Variants in COL4A5 observed in about 807,000 individuals in gnomAD.
COL4A5 encodes the protein collagen type IV alpha 5 chain, also known as collagen alpha-5(IV) chain.
In COL4A5, 26 loss-of-function variants were observed where a neutral mutation model predicts 130.2. The ratio of observed to expected loss-of-function variants is 0.20; its 90% CI spans 0.15 to 0.28. COL4A5 has a LOEUF of 0.28. Among genes scored for constraint, COL4A5 ranks in the 10% least tolerant of loss-of-function variants. COL4A5 has a pLI of 1.00. For synonymous variants in COL4A5, 496 were observed against 439.6 expected (o/e 1.13, Z -1.60); for missense variants, 1,131 against 1,344.3 (o/e 0.84, Z 2.48).
At chrX:108,478,303 G>A (rs1316651128) in intron 1 of COL4A5, among the ~76,000 whole-genome samples, 1 of 111,083 alleles carries the variant, frequency 9.0e-6, no homozygotes, top group Non-Finnish European at 1.9e-5. Context: ...TGTGTCTCCT[G>A]GTGGCAGCTT....
chrX:108,441,397 G>GT (rs1464833902), intron 1 of COL4A5, among the ~76,000 whole-genome samples: 1 of 112,146 alleles, frequency 8.9e-6, no homozygotes, highest in East Asian at 2.8e-4. Flanking sequence ...TAAGTTAGCT[G>GT]TCTAGCTTCC....
chrX:108,455,145 T>C (rs2064571889), intron 1 of COL4A5, among the ~76,000 whole-genome samples: 1 of 111,837 alleles, frequency 8.9e-6, no homozygotes, highest in Non-Finnish European at 1.9e-5. Flanking sequence ...TTCTGTACAG[T>C]AGAAAGTTTC....
chrX:108,485,281 T>C (rs2064933397), intron 1 of COL4A5, among the ~76,000 whole-genome samples: 1 of 111,847 alleles, frequency 8.9e-6, no homozygotes, highest in African/African-American at 3.2e-5. Context: ...AGAGCCCTCT[T>C]GTTGTTGTAC....
chrX:108,457,082 T>A (rs1202540663), intron 1 of COL4A5, among the ~76,000 whole-genome samples: 1 of 111,686 alleles, frequency 9.0e-6, no homozygotes, highest in Non-Finnish European at 1.9e-5. Flanking sequence ...AGGAAAAGGC[T>A]AGGTGTGGAA....
intron 2 of COL4A5, among the ~76,000 whole-genome samples, chrX:108,551,169 C>T (rs1341132503): frequency 1.8e-5 from 2 of 111,783 alleles, no homozygotes; most frequent in East Asian, 2.8e-4. Flanking sequence ...TAAAGAGCTT[C>T]TGTATAGCAA....
At position 108,621,867 on chromosome X, in the gene COL4A5, C is replaced by A; in HGVS notation, c.2742C>A (p.Gly914=). The A allele has an allele frequency of 1.7e-6, 2 of 1,207,427 alleles. No homozygotes were observed. The highest frequency in any genetic ancestry group is 2.2e-6 in the Non-Finnish European group (2 of 891,829). The change falls in exon 32 of 53, where the codon GGC becomes GGA. Residue 914 remains glycine, a synonymous_variant. Coordinates refer to ENST00000328300, the MANE Select transcript of COL4A5 (RefSeq NM_033380.3). Reference sequence around the variant, plus strand: ...CACCAGGACCTTTGGGAATTCCTGGCAGGAGTGGTGTACCTGGTCTTAAAG... The same window carrying A: ...CACCAGGACCTTTGGGAATTCCTGGAAGGAGTGGTGTACCTGGTCTTAAAG... ...PGPPGPLGIP[G]RSGVPGLKGD...
intron 1 of COL4A5, among the ~76,000 whole-genome samples, chrX:108,477,256 T>C (rs943717201): frequency 9.0e-6 from 1 of 111,574 alleles, no homozygotes; most frequent in Non-Finnish European, 1.9e-5. Context: ...CCTTGTCAAC[T>C]TGAACCCATA....
chrX:108,461,415 T>C (rs756166421), intron 1 of COL4A5, among the ~76,000 whole-genome samples: 1 of 111,800 alleles, frequency 8.9e-6, no homozygotes, highest in Admixed American at 9.5e-5. Flanking sequence ...CCATGAGGCA[T>C]TGTAAATATT....
At position 108,602,052 on chromosome X, in the gene COL4A5, A is replaced by G. The variant is rs1245803693; in HGVS notation, c.2146+63A>G. 2.4e-5 allele frequency: 14 copies of G among 575,012 alleles called. No homozygotes were observed. In the African/African-American group the frequency reaches 3.0e-4, roughly 12 times the overall value. 47.4% of individuals were successfully genotyped at this position (575,012 alleles called of 1,213,427 possible). A position where few individuals can be genotyped will look rare whatever the true frequency, so the allele number is the denominator to read the frequency against. Reference sequence around the variant, plus strand: ...GTTTAGCATGATGTTATTCTCTCATAAAATTCATTCAACAAATAAAATATA... The same window carrying G: ...GTTTAGCATGATGTTATTCTCTCATGAAATTCATTCAACAAATAAAATATA... On this transcript the variant is annotated intron_variant, in intron 27 of 52. Transcript: ENST00000328300.
At chrX:108,639,089 C>G (rs1262266954) in intron 36 of COL4A5, among the ~76,000 whole-genome samples, 1 of 110,655 alleles carries the variant, frequency 9.0e-6, no homozygotes, top group East Asian at 2.8e-4. Context: ...CCCCAACTAG[C>G]CAAAACAATT....
At chrX:108,668,114 A>G (rs974740090) in intron 40 of COL4A5, among the ~76,000 whole-genome samples, 1 of 111,461 alleles carries the variant, frequency 9.0e-6, no homozygotes, top group Non-Finnish European at 1.9e-5. Flanking sequence ...CTACATTTCT[A>G]TATATACTCT....
chrX:108,461,915 G>A (rs1264600488), intron 1 of COL4A5, among the ~76,000 whole-genome samples: 6 of 111,834 alleles, frequency 5.4e-5, no homozygotes, highest in African/African-American at 1.6e-4. Flanking sequence ...TTTGTAGTGC[G>A]TTTAAACATT....
chrX:108,494,653 A>G (rs2065019380), intron 1 of COL4A5, among the ~76,000 whole-genome samples: 1 of 110,492 alleles, frequency 9.1e-6, no homozygotes, highest in Admixed American at 9.7e-5. Context: ...TGTGGAAATG[A>G]TCGTTTTTCT....
intron 36 of COL4A5, among the ~76,000 whole-genome samples, chrX:108,648,558 T>C (rs770742368): frequency 2.3e-4 from 26 of 111,967 alleles, no homozygotes; most frequent in Non-Finnish European, 4.7e-4. Context: ...GTGGGTTTCA[T>C]ACCAAGGATG....
chrX:108,480,605 G>A (rs907199527), intron 1 of COL4A5, among the ~76,000 whole-genome samples: 3 of 113,011 alleles, frequency 2.7e-5, no homozygotes, highest in Non-Finnish European at 5.6e-5. Context: ...ATTGCTTCGG[G>A]TGGGCCTCAT....
At chrX:108,684,798 A>C (rs1382311210) in intron 47 of COL4A5, among the ~76,000 whole-genome samples, 1 of 112,175 alleles carries the variant, frequency 8.9e-6, no homozygotes, top group East Asian at 2.8e-4. Context: ...GAGACACAAC[A>C]AAAAAAGAAA....
intron 40 of COL4A5, 82 bp downstream of exon 40, chrX:108,667,265 T>A (rs1354576199): frequency 1.1e-6 from 1 of 915,194 alleles, no homozygotes; most frequent in Non-Finnish European, 1.6e-6. Context: ...CATCTCCACC[T>A]TTTACTATCA....
intron 36 of COL4A5, chrX:108,626,830 G>A (rs2067162718): frequency 1.3e-6 from 1 of 777,093 alleles, no homozygotes; most frequent in Non-Finnish European, 1.5e-6. Context: ...AACTTTGGTG[G>A]TGTTTCTCAA....
At chrX:108,515,693 C>T in intron 1 of COL4A5, among the ~76,000 whole-genome samples, 1 of 111,555 alleles carries the variant, frequency 9.0e-6, no homozygotes, top group East Asian at 2.8e-4. Flanking sequence ...ACACTACTAG[C>T]TTTAATATTT....
Sources: gnomAD v4.1 joint callset for allele counts (sites outside exome capture counted in the v4.1 genomes callset) on GRCh38, gnomAD v4.1.1 for gene constraint, MANE v1.5 for transcripts, NCBI Gene and HGNC (gene_info 2026-07-23, HGNC 2026-07-21) for gene names.